MCF2L: variants seen among roughly 807,000 people sequenced by gnomAD.
MCF2L encodes guanine nucleotide exchange factor DBS.
Under a neutral mutation model 153.4 loss-of-function variants are expected in MCF2L, and 97 were observed. The ratio of observed to expected loss-of-function variants is 0.63; its 90% CI spans 0.54 to 0.75. The LOEUF (loss-of-function observed/expected upper bound fraction) is 0.75. Among genes scored for constraint, MCF2L ranks in the 30% least tolerant of loss-of-function variants. The pLI is 0.00. For missense variants in MCF2L, 1,347 were observed against 1,495.2 expected (o/e 0.90, Z 1.64); for synonymous variants, 659 against 632.2 (o/e 1.04, Z -0.64).
At chr13:112,905,748 T>C (rs1231553367) in intron 2 of MCF2L, among the ~76,000 whole-genome samples, 2 of 152,178 alleles carry the variant, frequency 1.3e-5, no homozygotes, top group East Asian at 3.9e-4. Context: ...TAATATTCCA[T>C]AGTGTGGGTG....
At chr13:113,000,115 G>T (rs1042311303) in intron 1 of MCF2L, among the ~76,000 whole-genome samples, 2 of 152,196 alleles carry the variant, frequency 1.3e-5, no homozygotes, top group African/African-American at 4.8e-5. Context: ...CTCCCCCGGG[G>T]CTCGTGTTCC....
At chr13:112,981,492 C>T (rs535938652) in intron 1 of MCF2L, among the ~76,000 whole-genome samples, 4 of 152,326 alleles carry the variant, frequency 2.6e-5, no homozygotes, top group East Asian at 3.9e-4. Flanking sequence ...AATGTGAGGG[C>T]GGTGAGACAC....
chr13:113,045,007 C>T lies in MCF2L; in HGVS notation c.279-264C>T, dbSNP rs532453054. 137 of 1,339,794 alleles carry T rather than the reference C, an allele frequency of 1.0e-4. 1 individual carries two copies. In the African/African-American group the frequency reaches 1.8e-3, roughly 18 times the overall value. 83.0% of individuals were successfully genotyped at this position (1,339,794 alleles called of 1,614,324 possible). A position where few individuals can be genotyped will look rare whatever the true frequency, so the allele number is the denominator to read the frequency against. ...GAGCTCGGGAGAGATGGTTCTGCCT[C>T]AATCTGTGACTCGAGGTGGTTGGTG... is the stretch of plus-strand genomic sequence containing the variant. On this transcript the variant is annotated intron_variant, in intron 3 of 29. Transcript: ENST00000535094. The surrounding 1 kb of genome is among the most constrained non-coding windows in gnomAD (Gnocchi z 4.2).
chr13:113,089,685 C>T lies in MCF2L; in HGVS notation c.2910C>T (p.Tyr970=), dbSNP rs750317392. The T allele has an allele frequency of 1.7e-5, 27 of 1,613,926 alleles. No individual in the cohort carries two copies. The East Asian group carries it at 1.8e-4, about 11-fold the overall frequency. Reference sequence around the variant, plus strand: ...CAGACCCCCTAAGCCTGGAGGGATACGTCAGCTCAGCGCCACTGACAAAGC... The same window carrying T: ...CAGACCCCCTAAGCCTGGAGGGATATGTCAGCTCAGCGCCACTGACAAAGC... The part of the protein sequence containing the change: ...RKTDPLSLEG[Y]VSSAPLTKPP... The change falls in exon 26 of 30, where the codon TAC becomes TAT. Residue 970 remains tyrosine (Y), a synonymous_variant. Coordinates refer to ENST00000535094, the MANE Select transcript of MCF2L (RefSeq NM_001112732.3).
At chr13:113,016,330 G>A (rs921267666) in intron 2 of MCF2L, among the ~76,000 whole-genome samples, 16 of 152,296 alleles carry the variant, frequency 1.1e-4, no homozygotes, top group Non-Finnish European at 1.9e-4. Flanking sequence ...GGAGGCAGAG[G>A]CCGCCTGACC....
intron 3 of MCF2L, among the ~76,000 whole-genome samples, chr13:113,030,661 G>A (rs529232618): frequency 7.2e-5 from 11 of 152,346 alleles, no homozygotes; most frequent in South Asian, 2.1e-4. Context: ...GCCCTCGTTC[G>A]TCAGAGGGCA....
At chr13:112,992,810 G>A (rs2082944982) in intron 1 of MCF2L, among the ~76,000 whole-genome samples, 2 of 152,130 alleles carry the variant, frequency 1.3e-5, no homozygotes, top group South Asian at 4.1e-4. Context: ...CAGAACATCG[G>A]GAACACTGAA....
At chr13:113,004,669 G>A (rs774762778) in intron 1 of MCF2L, among the ~76,000 whole-genome samples, 11 of 152,256 alleles carry the variant, frequency 7.2e-5, no homozygotes, top group African/African-American at 2.2e-4. Context: ...ACTGCCCAGA[G>A]TCACACAGCT....
intron 9 of MCF2L, among the ~76,000 whole-genome samples, chr13:113,073,496 A>G (rs1355422268): frequency 6.6e-6 from 1 of 152,174 alleles, no homozygotes; most frequent in Non-Finnish European, 1.5e-5. Flanking sequence ...CTGGCCTTCA[A>G]CCCCAGGCCA....
intron 2 of MCF2L, among the ~76,000 whole-genome samples, chr13:113,021,075 T>C (rs1235620740): frequency 6.6e-6 from 1 of 152,116 alleles, no homozygotes; most frequent in African/African-American, 2.4e-5. Flanking sequence ...TATATAGGTG[T>C]GTATGTTTGT....
intron 3 of MCF2L, chr13:113,044,188 G>A (rs954308540): frequency 1.3e-5 from 3 of 223,410 alleles, no homozygotes; most frequent in African/African-American, 2.2e-5. Flanking sequence ...CACCCAGAAG[G>A]TTTCTGCTGT....
chr13:112,991,838 A>G (rs1310134708), intron 1 of MCF2L, among the ~76,000 whole-genome samples: 2 of 152,230 alleles, frequency 1.3e-5, no homozygotes, highest in African/African-American at 4.8e-5. Flanking sequence ...GGTCTCAACC[A>G]CAGCCGACTC....
chr13:112,894,855 A>G (rs893652769), intron 1 of MCF2L, among the ~76,000 whole-genome samples: 1 of 151,668 alleles, frequency 6.6e-6, no homozygotes, highest in African/African-American at 2.4e-5. Flanking sequence ...ATGGGGGGCC[A>G]GTGTCCAGGA....
intron 1 of MCF2L, chr13:113,001,979 C>A: frequency 6.3e-7 from 1 of 1,583,314 alleles, no homozygotes; most frequent in Non-Finnish European, 8.5e-7. Context: ...TGAAGGCCGG[C>A]GCAGGTGCGT....
intron 1 of MCF2L, among the ~76,000 whole-genome samples, chr13:112,901,429 C>T (rs2081118455): frequency 6.6e-6 from 1 of 152,228 alleles, no homozygotes; most frequent in South Asian, 2.1e-4. Context: ...GCTGGGATTA[C>T]AGGCGTGAGC....
intron 3 of MCF2L, among the ~76,000 whole-genome samples, chr13:113,025,101 T>G (rs2085155628): frequency 1.1e-5 from 1 of 90,948 alleles, no homozygotes; most frequent in East Asian, 4.5e-4. Context: ...CAGGGTGGGG[T>G]CCCTGCAACT....
rs894480249 is a variant in MCF2L at position 113,078,383 on chromosome 13, A to G, written c.1681A>G (p.Asn561Asp). ...AACAGGCATTCGGCGAGGCTCTGAG[A>G]ACTCCAGCTCCGAGGGCGGTGCGCT... ...PSPGIRRGSE[N>D]SSSEGGALRR... Residue 561 changes from asparagine (N) to aspartate (D), a missense_variant, in exon 14 of 30, where the codon AAC becomes GAC. This residue lies in a region of MCF2L where 820 missense variants were observed against 921.2 expected (regional missense o/e 0.89). Transcript: ENST00000535094. 1 of 1,613,364 alleles carries G rather than the reference A, an allele frequency of 6.2e-7. No individual in the cohort carries two copies. The highest frequency in any genetic ancestry group is 1.3e-5 in the African/African-American group (1 of 75,054).
chr13:113,095,641 G>A (rs572943279), intron 27 of MCF2L: 80 of 992,980 alleles, frequency 8.1e-5, no homozygotes, highest in African/African-American at 1.4e-4. Context: ...CCCAGTCACC[G>A]TCCTCCTGCT....
rs540389256 is a variant in MCF2L at position 113,057,311 on chromosome 13, C to T, written c.370-3282C>T. 2.2e-4 allele frequency among the ~76,000 whole-genome samples: 26 copies of T among 118,902 alleles called. No homozygotes were observed. In the South Asian group the frequency reaches 7.5e-3, roughly 34 times the overall value. 78.0% of individuals were successfully genotyped at this position (118,902 alleles called of 152,430 possible). On this transcript the variant is annotated intron_variant, in intron 4 of 29. Coordinates refer to ENST00000535094, the MANE Select transcript of MCF2L (RefSeq NM_001112732.3). ...GGGTGCTGTGGGTGCTGAATGGGTG[C>T]TGTTTTGGCACTGAGTGGGTGCTGA...
Sources: gnomAD v4.1 joint callset for allele counts (sites outside exome capture counted in the v4.1 genomes callset) on GRCh38, gnomAD v4.1.1 for gene constraint, gnomAD v4.1.1 regional missense constraint, Gnocchi (gnomAD v3.1) non-coding constraint, MANE v1.5 for transcripts, NCBI Gene and HGNC (gene_info 2026-07-23, HGNC 2026-07-21) for gene names.